Variants in SDK1 observed in about 807,000 individuals in gnomAD.
The protein encoded by SDK1 is sidekick cell adhesion molecule 1.
A neutral mutation model predicts 245.5 loss-of-function variants in SDK1; 157 were observed. The ratio of observed to expected loss-of-function variants is 0.64; its 90% CI spans 0.56 to 0.73. SDK1 has a LOEUF of 0.73. Ranked by LOEUF, SDK1 falls within the 30% of genes least tolerant of loss-of-function variation. The pLI is 0.00. For synonymous variants in SDK1, 1,647 were observed against 1,278.5 expected (o/e 1.29, Z -6.15); for missense variants, 3,583 against 3,002.3 (o/e 1.19, Z -4.52).
chr7:3,806,705 T>C (rs1319257376), intron 4 of SDK1, among the ~76,000 whole-genome samples: 1 of 152,248 alleles, frequency 6.6e-6, no homozygotes, highest in African/African-American at 2.4e-5. Flanking sequence ...GTTGCAGTTC[T>C]CTGAGGAGAT....
intron 1 of SDK1, among the ~76,000 whole-genome samples, chr7:3,458,277 C>G (rs1780729187): frequency 6.6e-6 from 1 of 151,278 alleles, no homozygotes; most frequent in African/African-American, 2.4e-5. Context: ...ATTTCTTTCC[C>G]CTGTTGTCTC....
At chr7:4,125,421 G>C (rs1457028719) in intron 25 of SDK1, among the ~76,000 whole-genome samples, 1 of 151,292 alleles carries the variant, frequency 6.6e-6, no homozygotes, top group African/African-American at 2.4e-5. Context: ...GATGATGGAT[G>C]GATGGATGAG....
At chr7:3,900,075 A>C (rs970520103) in intron 5 of SDK1, among the ~76,000 whole-genome samples, 1 of 152,230 alleles carries the variant, frequency 6.6e-6, no homozygotes, top group Non-Finnish European at 1.5e-5. Context: ...TTTAAAGAGA[A>C]AGCAGTTTTA....
intron 1 of SDK1, among the ~76,000 whole-genome samples, chr7:3,491,519 A>G (rs1363080623): frequency 1.3e-5 from 2 of 152,186 alleles, no homozygotes; most frequent in Non-Finnish European, 2.9e-5. Flanking sequence ...AGATTGGAGC[A>G]TTTCTTTTTC....
intron 35 of SDK1, among the ~76,000 whole-genome samples, chr7:4,186,015 T>A (rs1456584159): frequency 2.0e-5 from 3 of 152,214 alleles, no homozygotes; most frequent in South Asian, 2.1e-4. Flanking sequence ...AAGCAAGGCT[T>A]CCTGTCCAGA....
chr7:4,225,563 A>G (rs999302585), intron 40 of SDK1, among the ~76,000 whole-genome samples: 1 of 152,088 alleles, frequency 6.6e-6, no homozygotes, highest in Non-Finnish European at 1.5e-5. Context: ...TCAGGTTCTC[A>G]TATGCTGCTC....
chr7:3,317,691 G>C (rs1779698244), intron 1 of SDK1, among the ~76,000 whole-genome samples: 1 of 152,174 alleles, frequency 6.6e-6, no homozygotes, highest in South Asian at 2.1e-4. Context: ...GTTGTGCATG[G>C]AAGCACCTTT....
intron 38 of SDK1, among the ~76,000 whole-genome samples, chr7:4,215,780 G>A (rs1234146414): frequency 6.6e-6 from 1 of 152,182 alleles, no homozygotes; most frequent in African/African-American, 2.4e-5. Context: ...ATTACTTGAT[G>A]CGTTCTTAGA....
chr7:4,155,237 G>C (rs1252016072), intron 30 of SDK1, among the ~76,000 whole-genome samples: 1 of 151,882 alleles, frequency 6.6e-6, no homozygotes, highest in East Asian at 1.9e-4. Context: ...AACTCCCCCA[G>C]ATCCGCATTT....
chr7:3,815,699 C>T (rs959496718), intron 4 of SDK1, among the ~76,000 whole-genome samples: 2 of 152,086 alleles, frequency 1.3e-5, no homozygotes, highest in Non-Finnish European at 2.9e-5. Context: ...GTACCAGTTC[C>T]TCCAAGGATA....
chr7:3,898,629 G>A (rs1481779461), intron 5 of SDK1, among the ~76,000 whole-genome samples: 2 of 152,140 alleles, frequency 1.3e-5, no homozygotes, highest in African/African-American at 4.8e-5. Context: ...CAAAAGAGCA[G>A]CATCTCAGGA....
At chr7:3,489,501 A>G (rs73038575) in intron 1 of SDK1, among the ~76,000 whole-genome samples, 5,061 of 152,320 alleles carry the variant, frequency 0.033, 133 homozygotes, top group African/African-American at 0.059. Context: ...GATTTTGAGC[A>G]GCCAGACATT....
chr7:3,692,695 G>A (rs1784468245), intron 4 of SDK1, among the ~76,000 whole-genome samples: 2 of 151,464 alleles, frequency 1.3e-5, no homozygotes, highest in Admixed American at 6.6e-5. Context: ...ATATTTTTGA[G>A]GTGATTCATA....
chr7:3,518,183 G>A (rs1782810665), intron 1 of SDK1, among the ~76,000 whole-genome samples: 1 of 152,044 alleles, frequency 6.6e-6, no homozygotes, highest in African/African-American at 2.4e-5. Context: ...GTTTAGAGGT[G>A]AATAATTTAT....
At chr7:3,804,658 G>C (rs1779195154) in intron 4 of SDK1, among the ~76,000 whole-genome samples, 1 of 152,170 alleles carries the variant, frequency 6.6e-6, no homozygotes, top group South Asian at 2.1e-4. Flanking sequence ...GACAAAACCA[G>C]TATCTTTACT....
intron 19 of SDK1, among the ~76,000 whole-genome samples, chr7:4,061,050 T>C (rs953313925): frequency 3.3e-5 from 5 of 152,252 alleles, no homozygotes; most frequent in Non-Finnish European, 5.9e-5. Flanking sequence ...TGGAGCCTTG[T>C]AGTATAGTTT....
At chr7:3,869,153 CTTTTTTTTTTT>C (rs751723918) in intron 5 of SDK1, among the ~76,000 whole-genome samples, 1 of 117,130 alleles carries the variant, frequency 8.5e-6, no homozygotes, top group Non-Finnish European at 1.8e-5. Context: ...TTTTTCATTT[CTTTTTTTTTTT>C]TTTTTTTTTG....
Position 3,502,719 on chromosome 7 carries a change from C to T in SDK1, c.299-116361C>T, listed in dbSNP as rs10464335. Among the ~76,000 whole-genome samples the T allele has an allele frequency of 7.7e-4, 117 of 151,820 alleles. 1 individual carries two copies. The East Asian group carries it at 0.019, about 24-fold the overall frequency. ...ACAATTTTATGTGTTATTGGGGTACCGTTTGGTATTTTGCTATGTGTTTAC... is the reference window on the plus strand; with the variant it reads ...ACAATTTTATGTGTTATTGGGGTACTGTTTGGTATTTTGCTATGTGTTTAC... On this transcript the variant is annotated intron_variant, in intron 1 of 44. Coordinates refer to ENST00000404826, the MANE Select transcript of SDK1 (RefSeq NM_152744.4).
Position 3,648,818 on chromosome 7 carries a change from G to A in SDK1, c.713+6713G>A, listed in dbSNP as rs59181604. ...TAAGTAAAACAGACGAGTAGATACG[G>A]GTTCCAGGCCTGCTTTCACCGTAAT... On this transcript the variant is annotated intron_variant, in intron 4 of 44. Coordinates refer to ENST00000404826, the MANE Select transcript of SDK1 (RefSeq NM_152744.4). 8.9e-3 allele frequency among the ~76,000 whole-genome samples: 1,353 copies of A among 152,242 alleles called. 26 individuals carry two copies. Among genetic ancestry groups the A allele is most frequent in the African/African-American group, 0.031 (1,274 of 41,538 alleles).
Sources: allele counts gnomAD v4.1 joint callset (sites outside exome capture counted in the v4.1 genomes callset), GRCh38; gene constraint gnomAD v4.1.1; transcripts MANE v1.5; gene names NCBI Gene and HGNC (gene_info 2026-07-23, HGNC 2026-07-21).